CD38: variants seen among roughly 807,000 people sequenced by gnomAD.
CD38 encodes CD38 molecule, also known as ADP-ribosyl cyclase/cyclic ADP-ribose hydrolase 1.
CD38 carries 31 observed loss-of-function variants against 36.3 expected under a neutral mutation model. The ratio of observed to expected loss-of-function variants is 0.85; its 90% CI spans 0.64 to 1.15. The LOEUF (loss-of-function observed/expected upper bound fraction) is 1.15. Among genes scored for constraint, CD38 ranks in the 50% most tolerant of loss-of-function variants. The probability of loss-of-function intolerance (pLI) is 0.00; values close to 1 mark genes in which losing one functional copy is unlikely to be tolerated. For missense variants in CD38, 380 were observed against 371.9 expected, an observed-to-expected ratio of 1.02 and a Z score of -0.18; for synonymous variants, 131 against 135.2, an observed-to-expected ratio of 0.97 and a Z score of 0.22.
At chr4:15,815,712 G>A (rs1219476666) in intron 1 of CD38, among the ~76,000 whole-genome samples, 1 of 152,114 alleles carries the variant, frequency 6.6e-6, no homozygotes, top group African/African-American at 2.4e-5. Context: ...TCTGCACACA[G>A]AGACAATTTG....
At chr4:15,797,452 A>AT (rs970693844) in intron 1 of CD38, among the ~76,000 whole-genome samples, 2 of 152,036 alleles carry the variant, frequency 1.3e-5, no homozygotes, top group African/African-American at 4.8e-5. Flanking sequence ...TGCGCATATG[A>AT]TTTTTTCCCA....
At chr4:15,795,555 A>C (rs1723088748) in intron 1 of CD38, among the ~76,000 whole-genome samples, 1 of 152,152 alleles carries the variant, frequency 6.6e-6, no homozygotes. Flanking sequence ...AAGAATGTAA[A>C]ATCGCTTAAG....
At chr4:15,785,542 T>G (rs2148913706) in intron 1 of CD38, among the ~76,000 whole-genome samples, 1 of 150,764 alleles carries the variant, frequency 6.6e-6, no homozygotes, top group South Asian at 2.1e-4. Flanking sequence ...TCCTTTTCTT[T>G]TTTTTTTTAT....
In CD38 at chr4:15,831,863, T is replaced by C. The variant is rs149669207; in HGVS notation, c.500-2354T>C. Reference sequence around the variant, plus strand: ...GCAAAGTTCTCTGTTATTATTGCTTTGAATAAACTTTCTACCTGTATCTCT... The same window carrying C: ...GCAAAGTTCTCTGTTATTATTGCTTCGAATAAACTTTCTACCTGTATCTCT... On this transcript the variant is annotated intron_variant, in intron 3 of 7. Transcript: ENST00000226279. Among the ~76,000 whole-genome samples the C allele has an allele frequency of 4.6e-5, 7 of 152,330 alleles. No individual in the cohort carries two copies. The East Asian group carries it at 1.3e-3, about 29-fold the overall frequency.
chr4:15,792,377 C>T (rs1723018433), intron 1 of CD38, among the ~76,000 whole-genome samples: 1 of 126,710 alleles, frequency 7.9e-6, no homozygotes, highest in Non-Finnish European at 1.6e-5. Flanking sequence ...TGTCCTATGA[C>T]CCTGCCAAAT....
intron 1 of CD38, among the ~76,000 whole-genome samples, chr4:15,786,210 G>A (rs990682206): frequency 6.6e-6 from 1 of 152,154 alleles, no homozygotes; most frequent in Non-Finnish European, 1.5e-5. Context: ...GACGCCAATG[G>A]GTTGCCAGTG....
intron 7 of CD38, 89 bp downstream of exon 7, chr4:15,840,627 C>A: frequency 1.4e-6 from 1 of 710,902 alleles, no homozygotes; most frequent in Non-Finnish European, 2.5e-6. Context: ...GCTTGGAGGG[C>A]TGTGTGAATC....
At chr4:15,791,576 T>TG (rs1722991708) in intron 1 of CD38, among the ~76,000 whole-genome samples, 5 of 36,974 alleles carry the variant, frequency 1.4e-4, no homozygotes, top group Admixed American at 5.2e-4. Context: ...GGGAGGGAGG[T>TG]GGGGGGGTCA....
chr4:15,792,186 C>CGGT, intron 1 of CD38, among the ~76,000 whole-genome samples: 1 of 90,692 alleles, frequency 1.1e-5, no homozygotes, highest in Admixed American at 1.0e-4. Flanking sequence ...GGATTAAGGG[C>CGGT]GGTGCAAGAT....
At chr4:15,833,007 A>C (rs1219154904) in intron 3 of CD38, among the ~76,000 whole-genome samples, 1 of 152,170 alleles carries the variant, frequency 6.6e-6, no homozygotes, top group Admixed American at 6.5e-5. Flanking sequence ...CATGGCCACC[A>C]CCACCACAGG....
chr4:15,807,843 C>G (rs1201639387), intron 1 of CD38, among the ~76,000 whole-genome samples: 1 of 152,170 alleles, frequency 6.6e-6, no homozygotes, highest in African/African-American at 2.4e-5. Context: ...AAAACTAAAT[C>G]CAGAATCCGT....
intron 1 of CD38, among the ~76,000 whole-genome samples, chr4:15,780,542 A>ACACACACACGCACACG (rs1722674012): frequency 3.3e-5 from 5 of 151,486 alleles, no homozygotes; most frequent in African/African-American, 9.7e-5. Context: ...ACACACACAC[A>ACACACACACGCACACG]CACACACACA....
In CD38 at chr4:15,791,300, AG is replaced by A. The variant is rs1218769254; in HGVS notation, c.233+12660del. Among the ~76,000 whole-genome samples the A allele has an allele frequency of 3.3e-4, 8 of 23,958 alleles. 1 individual carries two copies. In the East Asian group the frequency reaches 5.7e-3, roughly 17 times the overall value. The allele number at this position is 23,958 out of a possible 152,430, so 15.7% of individuals were successfully genotyped here. ...CCAGCCACCCCGTCCGGGAGGGGGG[AG>A]GGGGGGTCAGCCCCCTGCCCGGCCA... is the stretch of plus-strand genomic sequence containing the variant. On this transcript the variant is annotated intron_variant, in intron 1 of 7. Transcript: ENST00000226279.
At chr4:15,785,628 T>C (rs1577631596) in intron 1 of CD38, among the ~76,000 whole-genome samples, 1 of 152,066 alleles carries the variant, frequency 6.6e-6, no homozygotes, top group South Asian at 2.1e-4. Context: ...AGCTGCCAAA[T>C]GTCAGTTTAG....
intron 1 of CD38, among the ~76,000 whole-genome samples, chr4:15,782,467 AC>A (rs1398584154): frequency 6.6e-6 from 1 of 152,218 alleles, no homozygotes; most frequent in African/African-American, 2.4e-5. Context: ...AAAATCTAAT[AC>A]ATGCCTCCTG....
chr4:15,796,160 CTG>C (rs1457689863), intron 1 of CD38, among the ~76,000 whole-genome samples: 1 of 152,048 alleles, frequency 6.6e-6, no homozygotes, highest in Non-Finnish European at 1.5e-5. Context: ...CTTGCTGAAA[CTG>C]AGAGAGATTT....
chr4:15,786,233 A>C (rs1352339974), intron 1 of CD38, among the ~76,000 whole-genome samples: 4 of 152,224 alleles, frequency 2.6e-5, no homozygotes, highest in African/African-American at 9.6e-5. Context: ...GGCTCCCCCC[A>C]GCCTGCTTTT....
At chr4:15,813,354 G>A (rs1412766637) in intron 1 of CD38, among the ~76,000 whole-genome samples, 2 of 152,006 alleles carry the variant, frequency 1.3e-5, no homozygotes, top group African/African-American at 4.8e-5. Context: ...ATTTTTGTGT[G>A]TCTATTGAGA....
chr4:15,799,564 A>C (rs1723172941), intron 1 of CD38, among the ~76,000 whole-genome samples: 1 of 152,138 alleles, frequency 6.6e-6, no homozygotes, highest in African/African-American at 2.4e-5. Context: ...TGTTGTATGT[A>C]TTAATAGCTT....
Sources: allele counts gnomAD v4.1 joint callset (sites outside exome capture counted in the v4.1 genomes callset), GRCh38; gene constraint gnomAD v4.1.1; transcripts MANE v1.5; gene names NCBI Gene and HGNC (gene_info 2026-07-23, HGNC 2026-07-21).